The following MCM9 variants were observed in gnomAD, a reference collection of about 807,000 sequenced individuals.
The protein encoded by MCM9 is DNA helicase MCM9.
MCM9 carries 55 observed loss-of-function variants against 72.8 expected under a neutral mutation model. The ratio of observed to expected loss-of-function variants is 0.76; its 90% CI spans 0.61 to 0.95. MCM9 has a LOEUF of 0.95. Among genes scored for constraint, MCM9 ranks in the 40% least tolerant of loss-of-function variants. MCM9 has a pLI of 0.00. For synonymous variants in MCM9, 480 were observed against 503.4 expected, an observed-to-expected ratio of 0.95 and a Z score of 0.62; for missense variants, 1,279 against 1,377.0, an observed-to-expected ratio of 0.93 and a Z score of 1.13.
chr6:118,917,063 C>A (rs897750665), intron 6 of MCM9, among the ~76,000 whole-genome samples: 2 of 152,262 alleles, frequency 1.3e-5, no homozygotes, highest in Middle Eastern at 3.4e-3. Context: ...GTAATTACAC[C>A]TGAATGTCAC....
intron 8 of MCM9, among the ~76,000 whole-genome samples, chr6:118,866,089 CCTGT>C: frequency 6.6e-6 from 1 of 152,200 alleles, no homozygotes; most frequent in East Asian, 1.9e-4. Context: ...TCCTAACTTC[CCTGT>C]CTTGAGGTAC....
chr6:118,850,437 C>G (rs1316542964), intron 9 of MCM9, among the ~76,000 whole-genome samples: 1 of 151,744 alleles, frequency 6.6e-6, no homozygotes, highest in African/African-American at 2.4e-5. Context: ...TACATGAACT[C>G]TATTTGAGAA....
At chr6:118,846,759 A>G (rs1429770593) in intron 9 of MCM9, among the ~76,000 whole-genome samples, 1 of 151,872 alleles carries the variant, frequency 6.6e-6, no homozygotes, top group Non-Finnish European at 1.5e-5. Context: ...AATGCACTTA[A>G]CTGAGATTCC....
chr6:118,891,762 T>A (rs1310214983), intron 8 of MCM9, among the ~76,000 whole-genome samples: 1 of 152,202 alleles, frequency 6.6e-6, no homozygotes, highest in Non-Finnish European at 1.5e-5. Flanking sequence ...ACTAGTTTCA[T>A]GTATTTCTGC....
chr6:118,907,798 T>G, intron 8 of MCM9: 1 of 530,694 alleles, frequency 1.9e-6, no homozygotes, highest in Non-Finnish European at 3.3e-6. Flanking sequence ...TATTTTTAAG[T>G]AATTTTTTTC....
At chr6:118,828,199 T>A in intron 10 of MCM9, 69 bp from the exon 11 acceptor site, 1 of 1,278,918 alleles carries the variant, frequency 7.8e-7, no homozygotes, top group Non-Finnish European at 1.1e-6. Context: ...AGGATTTTTA[T>A]AAAGTTCTGG....
intron 8 of MCM9, among the ~76,000 whole-genome samples, 186 bp from the exon 9 acceptor site, chr6:118,856,731 T>C (rs1258689149): frequency 6.6e-6 from 1 of 151,998 alleles, no homozygotes; most frequent in African/African-American, 2.4e-5. Flanking sequence ...ATTTAAAAAT[T>C]TGCTGGGCAC....
chr6:118,894,342 G>A, intron 8 of MCM9: 1 of 1,531,000 alleles, frequency 6.5e-7, no homozygotes, highest in Non-Finnish European at 8.8e-7. Flanking sequence ...GCGCTCTCCC[G>A]AGCGGCCGCG....
At chr6:118,875,150 A>T (rs969173716) in intron 8 of MCM9, among the ~76,000 whole-genome samples, 1 of 152,190 alleles carries the variant, frequency 6.6e-6, no homozygotes, top group African/African-American at 2.4e-5. Context: ...CATTTACATT[A>T]GTCCCCCTCA....
intron 9 of MCM9, among the ~76,000 whole-genome samples, chr6:118,838,820 C>T (rs1775154598): frequency 6.6e-6 from 1 of 152,198 alleles, no homozygotes; most frequent in South Asian, 2.1e-4. Flanking sequence ...ATGGGTTTCC[C>T]TTTGTGGGTA....
At position 118,815,594 on chromosome 6, in the gene MCM9, G is replaced by A. The variant is rs1055322873; in HGVS notation, c.2662C>T (p.Leu888=). 17 of 1,550,404 alleles carry A rather than the reference G, an allele frequency of 1.1e-5. No individual in the cohort carries two copies. The highest frequency in any genetic ancestry group is 1.5e-5 in the Non-Finnish European group (17 of 1,146,886). ...STPVHSPDRM[L]DSPKRKRPKS... is the part of the protein sequence containing the mutation. ...GGTCTCTTTCTTTTGGGTGAGTCCA[G>A]CATTCTGTCTGGGCTATGTACAGGA... Residue 888 remains leucine, a synonymous_variant, in exon 14 of 14, where the codon CTG becomes TTG. Coordinates refer to ENST00000619706, the MANE Select transcript of MCM9 (RefSeq NM_017696.3).
chr6:118,900,354 G>A (rs1185528423), intron 8 of MCM9, among the ~76,000 whole-genome samples: 2 of 152,288 alleles, frequency 1.3e-5, no homozygotes, highest in African/African-American at 2.4e-5. Context: ...GGCCTTAAAA[G>A]ATGATATACA....
At chr6:118,867,044 A>G (rs1777259685) in intron 8 of MCM9, among the ~76,000 whole-genome samples, 3 of 152,188 alleles carry the variant, frequency 2.0e-5, no homozygotes, top group South Asian at 4.1e-4. Flanking sequence ...CTAAAAGGAA[A>G]AAAAAAAACC....
At chr6:118,831,642 C>A (rs1259254405) in intron 9 of MCM9, among the ~76,000 whole-genome samples, 1 of 151,944 alleles carries the variant, frequency 6.6e-6, no homozygotes. Flanking sequence ...CTAAATGGGG[C>A]TTTAGAAAAC....
rs1292957609 is a variant in MCM9 at position 118,814,809 on chromosome 6, G to A, written c.*15C>T. On this transcript the variant is annotated 3_prime_UTR_variant, in exon 14 of 14. Transcript: ENST00000619706. ...AGTTGAAGAAGGTGAGATTTGACCA[G>A]AAAGCTTTTCCCAACTATGACTTTT... The A allele has an allele frequency of 6.8e-7, 1 of 1,480,812 alleles. No homozygotes were observed. The highest frequency in any genetic ancestry group is 2.5e-5 in the East Asian group (1 of 40,394). 91.7% of individuals were successfully genotyped at this position (1,480,812 alleles called of 1,614,324 possible). A position where few individuals can be genotyped will look rare whatever the true frequency, so the allele number is the denominator to read the frequency against.
At chr6:118,913,228 G>A (rs1780687102) in intron 7 of MCM9, 67 bp downstream of exon 7, 1 of 1,564,412 alleles carries the variant, frequency 6.4e-7, no homozygotes, top group African/African-American at 1.4e-5. Context: ...TTTTTATTTG[G>A]GAAAGAAAAA....
intron 9 of MCM9, among the ~76,000 whole-genome samples, chr6:118,843,704 G>A (rs867477279): frequency 0.081 from 4,861 of 60,294 alleles, 243 homozygotes; most frequent in East Asian, 0.24. Context: ...ATATATATAT[G>A]TATGTATATA....
At chr6:118,913,213 A>G in intron 7 of MCM9, 82 bp downstream of exon 7, 1 of 1,491,360 alleles carries the variant, frequency 6.7e-7, no homozygotes, top group Non-Finnish European at 9.2e-7. Flanking sequence ...AAACCCAACG[A>G]GCAGTTTTTA....
At chr6:118,820,106 C>T (rs565570334) in intron 13 of MCM9, among the ~76,000 whole-genome samples, 6 of 151,768 alleles carry the variant, frequency 4.0e-5, no homozygotes, top group South Asian at 2.1e-4. Context: ...AAGGGTTTTT[C>T]GTGTCTCTAT....
Sources: allele counts gnomAD v4.1 joint callset (sites outside exome capture counted in the v4.1 genomes callset), GRCh38; gene constraint gnomAD v4.1.1; transcripts MANE v1.5; gene names NCBI Gene and HGNC (gene_info 2026-07-23, HGNC 2026-07-21).